IPO11: variants seen among roughly 807,000 people sequenced by gnomAD.
The protein encoded by IPO11 is importin 11, also known as importin-11.
IPO11 carries 66 observed loss-of-function variants against 143.2 expected under a neutral mutation model. The observed-to-expected ratio is 0.46, with a 90% CI of 0.38 to 0.57. The LOEUF is 0.57. Ranked by LOEUF, IPO11 falls within the 20% of genes least tolerant of loss-of-function variation. The pLI is 0.00. For missense variants in IPO11, 1,026 were observed against 1,141.0 expected (o/e 0.90, Z 1.45); for synonymous variants, 385 against 377.8 (o/e 1.02, Z -0.22).
intron 28 of IPO11, among the ~76,000 whole-genome samples, chr5:62,597,688 A>G (rs1745275344): frequency 6.6e-6 from 1 of 152,220 alleles, no homozygotes; most frequent in South Asian, 2.1e-4. Context: ...GTGAGGAAGA[A>G]ACTTTAGGCT....
At chr5:62,513,689 T>C (rs1741880232) in intron 19 of IPO11, among the ~76,000 whole-genome samples, 1 of 133,746 alleles carries the variant, frequency 7.5e-6, no homozygotes, top group Admixed American at 7.5e-5. Flanking sequence ...GGCGGGGGGC[T>C]GAGCCCCCCA....
intron 28 of IPO11, chr5:62,601,294 C>T (rs1745497248): frequency 6.6e-6 from 1 of 152,472 alleles, no homozygotes; most frequent in Non-Finnish European, 1.5e-5. Context: ...GGACAAGTTC[C>T]TCATAGCACA....
intron 2 of IPO11, among the ~76,000 whole-genome samples, chr5:62,439,582 T>C (rs1245297744): frequency 6.6e-6 from 1 of 151,424 alleles, no homozygotes; most frequent in Non-Finnish European, 1.5e-5. Flanking sequence ...CGACTGCGCC[T>C]GGCCCAGTCT....
chr5:62,473,326 G>C (rs1239007840), intron 7 of IPO11, among the ~76,000 whole-genome samples: 1 of 152,078 alleles, frequency 6.6e-6, no homozygotes, highest in Non-Finnish European at 1.5e-5. Flanking sequence ...TGAGAATTCA[G>C]AATTTTACAT....
chr5:62,572,541 G>GTTTATTTATTTA lies in IPO11; in HGVS notation c.2582+11287_2582+11288insATTTATTTATTT, dbSNP rs767768834. Among the ~76,000 whole-genome samples, 4 of 141,748 alleles carry GTTTATTTATTTA rather than the reference G, an allele frequency of 2.8e-5. No individual in the cohort carries two copies. The East Asian group carries it at 8.4e-4, about 30-fold the overall frequency. The allele number at this position is 141,748 out of a possible 152,430, so 93.0% of individuals were successfully genotyped here. A position where few individuals can be genotyped will look rare whatever the true frequency, so the allele number is the denominator to read the frequency against. The stretch of plus-strand genomic sequence containing the variant: ...ACAATCATTGTGTATATGTATATTT[G>GTTTATTTATTTA]TTTGTTTATTTATTTATTTATTTAT... On this transcript the variant is annotated intron_variant, in intron 27 of 29. Coordinates refer to ENST00000325324, the MANE Select transcript of IPO11 (RefSeq NM_016338.5).
At chr5:62,528,880 A>C (rs1742452487) in intron 21 of IPO11, among the ~76,000 whole-genome samples, 2 of 152,236 alleles carry the variant, frequency 1.3e-5, no homozygotes, top group South Asian at 4.2e-4. Context: ...ACGAATATGG[A>C]GTGAAACTTT....
chr5:62,613,573 G>T (rs752577610), intron 29 of IPO11, among the ~76,000 whole-genome samples: 3 of 151,970 alleles, frequency 2.0e-5, no homozygotes, highest in Non-Finnish European at 2.9e-5. Flanking sequence ...AAAGTACTGG[G>T]ATTACAGGTG....
At chr5:62,472,527 A>G (rs1745808852) in intron 7 of IPO11, among the ~76,000 whole-genome samples, 2 of 146,510 alleles carry the variant, frequency 1.4e-5, no homozygotes, top group African/African-American at 5.1e-5. Flanking sequence ...TAATATAAAA[A>G]TCTTTTTTTT....
At chr5:62,431,934 C>CACAT (rs57913836) in intron 1 of IPO11, among the ~76,000 whole-genome samples, 16,754 of 148,566 alleles carry the variant, frequency 0.11, 963 homozygotes, top group South Asian at 0.19. Context: ...GAGCAAGACT[C>CACAT]ACATACATAC....
intron 24 of IPO11, among the ~76,000 whole-genome samples, 185 bp downstream of exon 24, chr5:62,537,474 A>C (rs1457029745): frequency 6.6e-6 from 1 of 152,144 alleles, no homozygotes; most frequent in Non-Finnish European, 1.5e-5. Context: ...AGGTGCATAC[A>C]CCTTCAACAG....
At chr5:62,555,333 G>A in intron 26 of IPO11, among the ~76,000 whole-genome samples, 1 of 150,334 alleles carries the variant, frequency 6.7e-6, no homozygotes, top group Non-Finnish European at 1.5e-5. Flanking sequence ...AAAATTTTGA[G>A]AGACAGAGTC....
At chr5:62,517,990 G>A (rs979725505) in intron 20 of IPO11, among the ~76,000 whole-genome samples, 2 of 151,954 alleles carry the variant, frequency 1.3e-5, no homozygotes, top group Non-Finnish European at 2.9e-5. Flanking sequence ...TTTTTCAGCC[G>A]TTTGGGAAGA....
At chr5:62,434,613 T>G (rs1378997309) in intron 1 of IPO11, among the ~76,000 whole-genome samples, 1 of 152,120 alleles carries the variant, frequency 6.6e-6, no homozygotes, top group Non-Finnish European at 1.5e-5. Flanking sequence ...GAGATGTGCT[T>G]TAAGTGTAAA....
intron 27 of IPO11, among the ~76,000 whole-genome samples, chr5:62,565,563 A>G (rs1743907363): frequency 6.6e-6 from 1 of 151,720 alleles, no homozygotes; most frequent in Admixed American, 6.6e-5. Flanking sequence ...AACACCAAGC[A>G]CTCTTCATCA....
chr5:62,569,071 G>A (rs1209771977), intron 27 of IPO11, among the ~76,000 whole-genome samples: 1 of 152,122 alleles, frequency 6.6e-6, no homozygotes, highest in African/African-American at 2.4e-5. Flanking sequence ...TCCCTCATAT[G>A]GAAGGAATTT....
At chr5:62,543,097 A>G (rs1329638152) in intron 24 of IPO11, among the ~76,000 whole-genome samples, 1 of 75,454 alleles carries the variant, frequency 1.3e-5, no homozygotes, top group Non-Finnish European at 2.6e-5. Context: ...TAATTTTTTC[A>G]AGGCCACTCA....
chr5:62,451,563 C>T (rs146981435), intron 4 of IPO11, among the ~76,000 whole-genome samples, 167 bp from the exon 5 acceptor site: 16 of 152,332 alleles, frequency 1.1e-4, no homozygotes, highest in African/African-American at 3.8e-4. Flanking sequence ...AGGGTCCTAG[C>T]TCTACCAGGG....
At chr5:62,610,595 CTTAACAAAA>C (rs1265133978) in intron 29 of IPO11, among the ~76,000 whole-genome samples, 1 of 152,138 alleles carries the variant, frequency 6.6e-6, no homozygotes, top group African/African-American at 2.4e-5. Context: ...TCTTTTAAGA[CTTAACAAAA>C]TTAACAATAT....
At chr5:62,446,576 G>T (rs974905025) in intron 3 of IPO11, among the ~76,000 whole-genome samples, 1 of 151,806 alleles carries the variant, frequency 6.6e-6, no homozygotes, top group African/African-American at 2.4e-5. Context: ...TATTGTGAAG[G>T]GTCTGTTATT....
Sources: allele counts gnomAD v4.1 joint callset (sites outside exome capture counted in the v4.1 genomes callset), GRCh38; gene constraint gnomAD v4.1.1; transcripts MANE v1.5; gene names NCBI Gene and HGNC (gene_info 2026-07-23, HGNC 2026-07-21).